MYLK: variants seen among roughly 807,000 people sequenced by gnomAD.
MYLK encodes myosin light chain kinase, smooth muscle.
In MYLK, 106 loss-of-function variants were observed where a neutral mutation model predicts 203.4. The observed-to-expected ratio is 0.52, with a 90% CI of 0.45 to 0.61. The LOEUF (loss-of-function observed/expected upper bound fraction) is 0.61. MYLK is among the 20% of genes least tolerant of loss of function. The pLI, the probability that MYLK is intolerant of heterozygous loss-of-function variation, is 0.00. For synonymous variants in MYLK, 867 were observed against 959.5 expected (o/e 0.90, Z 1.78); for missense variants, 2,072 against 2,442.3 (o/e 0.85, Z 3.20).
At chr3:123,852,602 T>C (rs552133334) in intron 2 of MYLK, among the ~76,000 whole-genome samples, 26 of 152,310 alleles carry the variant, frequency 1.7e-4, no homozygotes, top group Admixed American at 5.9e-4. Flanking sequence ...TTATTGTGTC[T>C]ATTTGATTCT....
At chr3:123,850,464 C>T (rs139618358) in intron 2 of MYLK, among the ~76,000 whole-genome samples, 256 of 152,088 alleles carry the variant, frequency 1.7e-3, no homozygotes, top group East Asian at 5.4e-3. Flanking sequence ...TATCTCATTG[C>T]GGTTTTGATT....
In MYLK at chr3:123,733,933, C is replaced by T; in HGVS notation, c.1063G>A (p.Glu355Lys). ...ITLQAARVQPEPRAPGLGVLS... is the reference protein window; with the variant it reads ...ITLQAARVQPKPRAPGLGVLS... Reference sequence around the variant, plus strand: ...ACCCCCAGGCCTGGTGCTCTTGGTTCCGGCTGAACTCTTGCGGCCTGCAGG... The same window carrying T: ...ACCCCCAGGCCTGGTGCTCTTGGTTTCGGCTGAACTCTTGCGGCCTGCAGG... Residue 355 changes from glutamate (E) to lysine (K), a missense_variant, in exon 10 of 34, where the codon GAA becomes AAA. By Grantham distance (56) the Glu-to-Lys change is moderately conservative. This residue lies in a region of MYLK where 683 missense variants were observed against 643.8 expected (regional missense o/e 1.06). Coordinates refer to ENST00000360304, the MANE Select transcript of MYLK (RefSeq NM_053025.4). The T allele has an allele frequency of 6.2e-7, 1 of 1,614,164 alleles. No homozygotes were observed. Among genetic ancestry groups the T allele is most frequent in the Non-Finnish European group, 8.5e-7 (1 of 1,180,036 alleles).
intron 3 of MYLK, among the ~76,000 whole-genome samples, chr3:123,806,813 T>C (rs549361657): frequency 9.9e-5 from 15 of 151,992 alleles, no homozygotes; most frequent in Admixed American, 9.2e-4. Context: ...CAGGTGCGCA[T>C]CACTACACCT....
chr3:123,702,155 A>T (rs898309529), intron 16 of MYLK, among the ~76,000 whole-genome samples: 5 of 152,102 alleles, frequency 3.3e-5, no homozygotes, highest in African/African-American at 1.2e-4. Context: ...CTGCTGGTGC[A>T]CAGAGGCTCA....
At chr3:123,821,800 A>G (rs1454896876) in intron 3 of MYLK, among the ~76,000 whole-genome samples, 1 of 152,120 alleles carries the variant, frequency 6.6e-6, no homozygotes, top group African/African-American at 2.4e-5. Flanking sequence ...TTGCCAGAAA[A>G]CCCAACCCTT....
intron 3 of MYLK, among the ~76,000 whole-genome samples, chr3:123,808,286 G>A (rs888994913): frequency 1.3e-5 from 2 of 152,142 alleles, no homozygotes; most frequent in African/African-American, 4.8e-5. Flanking sequence ...GTCCTTTGAG[G>A]ATGAGACTCA....
In MYLK at chr3:123,700,602, C is replaced by T; in HGVS notation, c.2866G>A (p.Val956Ile). The stretch of plus-strand genomic sequence containing the variant: ...TTGGAAGTCCCCTTCTTGGCCAGGA[C>T]AGAGCGAAAATCGACCTGCTGGGGG... ...HSPQQVDFRS[V>I]LAKKGTSKTP... is the part of the protein sequence containing the mutation. Residue 956 changes from valine to isoleucine, a missense_variant, in exon 18 of 34, where the codon GTC becomes ATC. Physicochemically the swap from Val to Ile is conservative, Grantham distance 29. Coordinates refer to ENST00000360304, the MANE Select transcript of MYLK (RefSeq NM_053025.4). 6.2e-7 allele frequency: 1 copy of T among 1,613,832 alleles called. No individual in the cohort carries two copies. The highest frequency in any genetic ancestry group is 8.5e-7 in the Non-Finnish European group (1 of 1,180,030).
At chr3:123,814,204 A>C in intron 3 of MYLK, 1 of 261,884 alleles carries the variant, frequency 3.8e-6, no homozygotes, top group Non-Finnish European at 7.6e-6. Context: ...GGTTACAGAT[A>C]CCAAGCCTCT....
chr3:123,657,239 T>C lies in MYLK; in HGVS notation c.4175A>G (p.Gln1392Arg), dbSNP rs1181164204. The C allele has an allele frequency of 6.2e-7, 1 of 1,614,198 alleles. No individual in the cohort carries two copies. The highest frequency in any genetic ancestry group is 1.7e-5 in the Admixed American group (1 of 60,028). Reference sequence around the variant, plus strand: ...ATATTCGTGGTCAGGCAGCAGGTCCTGGACGTTGAAAGAGGTGCTGCGGCA... The same window carrying C: ...ATATTCGTGGTCAGGCAGCAGGTCCCGGACGTTGAAAGAGGTGCTGCGGCA... ...ATCRSTSFNVQDLLPDHEYKF... is the reference protein window; with the variant it reads ...ATCRSTSFNVRDLLPDHEYKF... The change falls in exon 24 of 34, where the codon CAG (glutamine) becomes CGG (arginine). Residue 1392 changes from glutamine (Q) to arginine (R), a missense_variant. Gln to Arg is a conservative substitution (Grantham distance 43). Coordinates refer to ENST00000360304, the MANE Select transcript of MYLK (RefSeq NM_053025.4).
At chr3:123,828,126 A>G (rs1378930154) in intron 3 of MYLK, among the ~76,000 whole-genome samples, 1 of 152,122 alleles carries the variant, frequency 6.6e-6, no homozygotes, top group Admixed American at 6.5e-5. Context: ...GTATGGAACA[A>G]TGAAAGGCCC....
intron 2 of MYLK, among the ~76,000 whole-genome samples, chr3:123,875,371 G>C (rs924826696): frequency 4.6e-5 from 7 of 152,272 alleles, no homozygotes; most frequent in African/African-American, 1.7e-4. Flanking sequence ...ACACTAAAAA[G>C]CCTACAAACC....
intron 2 of MYLK, among the ~76,000 whole-genome samples, chr3:123,855,770 T>C (rs2031313635): frequency 6.6e-6 from 1 of 152,136 alleles, no homozygotes; most frequent in South Asian, 2.1e-4. Context: ...TGCCAAAGCC[T>C]CTCACTCCAA....
At chr3:123,734,392 C>A in intron 9 of MYLK, 170 bp from the exon 10 acceptor site, 3 of 631,920 alleles carry the variant, frequency 4.7e-6, no homozygotes. Flanking sequence ...CCCAGTTTCC[C>A]AAGCCACAGC....
intron 13 of MYLK, among the ~76,000 whole-genome samples, chr3:123,713,088 C>G (rs2061759651): frequency 6.6e-6 from 1 of 152,344 alleles, no homozygotes; most frequent in African/African-American, 2.4e-5. Flanking sequence ...ATTGCACCCC[C>G]TCCAGGAGAT....
chr3:123,793,576 G>C (rs770911987), intron 4 of MYLK, 101 bp downstream of exon 4: 26 of 1,342,006 alleles, frequency 1.9e-5, no homozygotes, highest in Non-Finnish European at 2.7e-5. Flanking sequence ...AGAAAATTGA[G>C]CCTTCTATTA....
chr3:123,686,690 C>G (rs2060470095), intron 19 of MYLK, among the ~76,000 whole-genome samples: 1 of 152,124 alleles, frequency 6.6e-6, no homozygotes, highest in Admixed American at 6.5e-5. Context: ...AGCTTCCTCA[C>G]AAGGAAAACC....
chr3:123,741,318 C>A (rs2062849520), intron 5 of MYLK, among the ~76,000 whole-genome samples: 1 of 152,196 alleles, frequency 6.6e-6, no homozygotes, highest in South Asian at 2.1e-4. Context: ...CAAACACTGG[C>A]ATCACATTTA....
chr3:123,791,241 T>C (rs1438730994), intron 4 of MYLK, among the ~76,000 whole-genome samples: 1 of 152,194 alleles, frequency 6.6e-6, no homozygotes. Flanking sequence ...ACTGCAAGTT[T>C]TGAGTGTTTG....
At chr3:123,788,789 G>C (rs2109075551) in intron 4 of MYLK, among the ~76,000 whole-genome samples, 1 of 152,252 alleles carries the variant, frequency 6.6e-6, no homozygotes, top group Middle Eastern at 3.4e-3. Flanking sequence ...TGCCTTGACA[G>C]GGCCAGGGCT....
Sources: gnomAD v4.1 joint callset for allele counts (sites outside exome capture counted in the v4.1 genomes callset) on GRCh38, gnomAD v4.1.1 for gene constraint, gnomAD v4.1.1 regional missense constraint, MANE v1.5 for transcripts, NCBI Gene and HGNC (gene_info 2026-07-23, HGNC 2026-07-21) for gene names.